Variants in NOL4 observed in about 807,000 individuals in gnomAD.
NOL4 encodes the protein nucleolar protein 4, also known as cancer/testis antigen 125.
A neutral mutation model predicts 75.9 loss-of-function variants in NOL4; 17 were observed. The ratio of observed to expected loss-of-function variants is 0.22; its 90% confidence interval spans 0.15 to 0.34. The LOEUF is 0.34. Ranked by LOEUF, NOL4 falls within the 10% of genes least tolerant of loss-of-function variation. The pLI is 1.00. For synonymous variants in NOL4, 292 were observed against 289.9 expected (o/e 1.01, Z -0.07); for missense variants, 614 against 793.5 (o/e 0.77, Z 2.72).
chr18:34,147,286 G>A (rs1180216952), intron 1 of NOL4, among the ~76,000 whole-genome samples: 1 of 152,048 alleles, frequency 6.6e-6, no homozygotes, highest in Non-Finnish European at 1.5e-5. Context: ...GGGCATCCTT[G>A]TCTTGTGTCA....
chr18:34,214,665 C>T (rs543964404), intron 1 of NOL4, among the ~76,000 whole-genome samples: 3 of 152,230 alleles, frequency 2.0e-5, no homozygotes, highest in Non-Finnish European at 2.9e-5. Flanking sequence ...CTTCTGTGTA[C>T]ATATCCAGAA....
intron 6 of NOL4, among the ~76,000 whole-genome samples, chr18:33,960,037 A>G (rs1398032863): frequency 6.6e-6 from 1 of 152,180 alleles, no homozygotes; most frequent in East Asian, 1.9e-4. Context: ...TAAACAAAAT[A>G]TTTTATAAGT....
At chr18:34,204,709 T>G (rs575914378) in intron 1 of NOL4, among the ~76,000 whole-genome samples, 31 of 152,258 alleles carry the variant, frequency 2.0e-4, no homozygotes, top group Non-Finnish European at 4.1e-4. Context: ...CTTTCCATTA[T>G]CTTTAGTCAG....
chr18:33,998,858 C>T (rs557184844), intron 6 of NOL4, among the ~76,000 whole-genome samples: 33 of 152,150 alleles, frequency 2.2e-4, no homozygotes, highest in African/African-American at 7.7e-4. Context: ...ATTTATTTTC[C>T]TCCTCACTCT....
chr18:33,956,310 GATCAAAC>G (rs2069643828), intron 8 of NOL4, among the ~76,000 whole-genome samples: 1 of 152,062 alleles, frequency 6.6e-6, no homozygotes, highest in Non-Finnish European at 1.5e-5. Flanking sequence ...AGACAGTATT[GATCAAAC>G]ATTAGATTTA....
chr18:34,069,616 G>A (rs1443818618), intron 5 of NOL4, among the ~76,000 whole-genome samples: 2 of 151,810 alleles, frequency 1.3e-5, no homozygotes, highest in African/African-American at 4.8e-5. Context: ...GAAAACCAAA[G>A]AGAAAATAAA....
At chr18:34,001,268 G>A (rs572926930) in intron 6 of NOL4, among the ~76,000 whole-genome samples, 1 of 152,170 alleles carries the variant, frequency 6.6e-6, no homozygotes, top group South Asian at 2.1e-4. Flanking sequence ...GCATTCCAAA[G>A]CACTAATTTT....
chr18:34,036,805 T>A (rs577355130), intron 5 of NOL4, among the ~76,000 whole-genome samples: 1 of 152,040 alleles, frequency 6.6e-6, no homozygotes, highest in Non-Finnish European at 1.5e-5. Flanking sequence ...ACACCTGTAA[T>A]CCCAGCTACT....
At chr18:33,906,704 C>T (rs1431546678) in intron 9 of NOL4, among the ~76,000 whole-genome samples, 2 of 151,956 alleles carry the variant, frequency 1.3e-5, no homozygotes, top group African/African-American at 4.8e-5. Flanking sequence ...TATTTTAGAA[C>T]TTTTAAAACA....
chr18:34,025,289 T>C (rs1346179372), intron 5 of NOL4, among the ~76,000 whole-genome samples: 1 of 152,138 alleles, frequency 6.6e-6, no homozygotes, highest in Non-Finnish European at 1.5e-5. Flanking sequence ...ATAAACCTTA[T>C]CTGGGGGAAA....
intron 1 of NOL4, among the ~76,000 whole-genome samples, chr18:34,133,029 G>C (rs952499182): frequency 1.3e-5 from 2 of 151,926 alleles, no homozygotes; most frequent in African/African-American, 4.8e-5. Flanking sequence ...CAGCAATTTG[G>C]GAGGAGGCAG....
Position 34,105,086 on chromosome 18 carries a change from T to C in NOL4, c.489A>G (p.Lys163=). The C allele has an allele frequency of 6.2e-7, 1 of 1,612,208 alleles. No homozygotes were observed. The highest frequency in any genetic ancestry group is 2.2e-5 in the East Asian group (1 of 44,816). Residue 163 remains lysine (K), a synonymous_variant, in exon 3 of 11, where the codon AAA becomes AAG. Transcript: ENST00000261592. ...RFLMSCSECQ[K]RMHLNPDGTD... is the part of the protein sequence containing the mutation. ...TTCCATCTGGGTTTAAATGCATTCT[T>C]TTCTGGCACTCTGAGCAGCTCATTA...
chr18:34,082,019 T>C (rs781278945), intron 5 of NOL4, among the ~76,000 whole-genome samples: 29 of 152,242 alleles, frequency 1.9e-4, no homozygotes, highest in South Asian at 1.4e-3. Context: ...TGCATGATAA[T>C]AGGAAGTTAC....
At chr18:34,174,929 G>A (rs2033401037) in intron 1 of NOL4, among the ~76,000 whole-genome samples, 1 of 152,052 alleles carries the variant, frequency 6.6e-6, no homozygotes, top group African/African-American at 2.4e-5. Context: ...GTCTATCACT[G>A]ATGGACATTT....
chr18:33,997,586 A>G (rs1370482278), intron 6 of NOL4, among the ~76,000 whole-genome samples: 1 of 151,042 alleles, frequency 6.6e-6, no homozygotes, highest in Non-Finnish European at 1.5e-5. Context: ...GCATCACATT[A>G]CCTCACATCA....
intron 10 of NOL4, among the ~76,000 whole-genome samples, chr18:33,882,998 T>A (rs1350672380): frequency 2.0e-5 from 3 of 151,986 alleles, no homozygotes; most frequent in African/African-American, 7.3e-5. Flanking sequence ...TAGGTGGGAA[T>A]TGAACAATGA....
chr18:34,153,139 T>C (rs2081725552), intron 1 of NOL4, among the ~76,000 whole-genome samples: 1 of 151,920 alleles, frequency 6.6e-6, no homozygotes, highest in African/African-American at 2.4e-5. Flanking sequence ...ATATTTTCGT[T>C]ATATTTTTCA....
chr18:34,136,969 A>C (rs1362036808), intron 1 of NOL4, among the ~76,000 whole-genome samples: 4 of 152,142 alleles, frequency 2.6e-5, no homozygotes, highest in African/African-American at 9.7e-5. Flanking sequence ...TGACATATAG[A>C]TCAGTGGAAT....
intron 1 of NOL4, among the ~76,000 whole-genome samples, chr18:34,162,151 A>G (rs973291032): frequency 6.6e-6 from 1 of 152,110 alleles, no homozygotes; most frequent in Non-Finnish European, 1.5e-5. Context: ...AAGACTGTGT[A>G]TAAACCTAAC....
Sources: gnomAD v4.1 joint callset for allele counts (sites outside exome capture counted in the v4.1 genomes callset) on GRCh38, gnomAD v4.1.1 for gene constraint, MANE v1.5 for transcripts, NCBI Gene and HGNC (gene_info 2026-07-23, HGNC 2026-07-21) for gene names.